TSPAN4: variants seen among roughly 807,000 people sequenced by gnomAD.
TSPAN4 encodes tetraspanin-4.
A neutral mutation model predicts 31.5 loss-of-function variants in TSPAN4; 38 were observed. The ratio of observed to expected loss-of-function variants is 1.21; its 90% CI spans 0.93 to 1.58. The LOEUF is 1.58. Ranked by LOEUF, TSPAN4 falls within the 40% of genes most tolerant of loss-of-function variation. TSPAN4 has a pLI of 0.00. For missense variants in TSPAN4, 330 were observed against 317.3 expected (o/e 1.04, Z -0.30); for synonymous variants, 186 against 144.6 (o/e 1.29, Z -2.06).
At chr11:862,518 C>T in intron 3 of TSPAN4, 32 bp from the exon 4 acceptor site, 2 of 1,569,626 alleles carry the variant, frequency 1.3e-6, no homozygotes, top group Non-Finnish European at 1.7e-6. Context: ...GGGCCTCACC[C>T]TGTCTGTGTC....
intron 3 of TSPAN4, among the ~76,000 whole-genome samples, chr11:854,380 C>G (rs1430720070): frequency 6.6e-6 from 1 of 152,194 alleles, no homozygotes; most frequent in African/African-American, 2.4e-5. Context: ...TTCTGCCCTC[C>G]TTGAGGCCTC....
At chr11:865,890 G>T in intron 7 of TSPAN4, 28 bp from the exon 8 acceptor site, 2 of 1,612,964 alleles carry the variant, frequency 1.2e-6, no homozygotes, top group Non-Finnish European at 1.7e-6. Context: ...AGGCCCTGCC[G>T]TGACACGCAT....
In TSPAN4 at chr11:848,654, C is replaced by G. The variant is rs1270103567; in HGVS notation, c.-18+1354C>G. Among the ~76,000 whole-genome samples the G allele has an allele frequency of 6.6e-6, 1 of 152,210 alleles. No homozygotes were observed. Among genetic ancestry groups the G allele is most frequent in the Non-Finnish European group, 1.5e-5 (1 of 68,024 alleles). ...TGGTCAGCCCTGCCATGGAGCACCC[C>G]CTTCCCCTCCCTTAGCTTCCTCTCC... On this transcript the variant is annotated intron_variant, in intron 2 of 8. Coordinates refer to ENST00000397397, the MANE Select transcript of TSPAN4 (RefSeq NM_003271.5). This position sits in a 1 kb window ranked among gnomAD's most constrained non-coding sequence, Gnocchi z 5.7.
intron 5 of TSPAN4, 100 bp downstream of exon 5, chr11:864,611 T>A (rs972207857): frequency 1.8e-5 from 27 of 1,499,740 alleles, no homozygotes; most frequent in Non-Finnish European, 2.3e-5. Context: ...TGGCCCTGCA[T>A]GTGCCCTCAC....
chr11:860,983 G>C (rs1848423795), intron 3 of TSPAN4, among the ~76,000 whole-genome samples: 1 of 152,122 alleles, frequency 6.6e-6, no homozygotes, highest in Non-Finnish European at 1.5e-5. Flanking sequence ...CATTTTCGGG[G>C]GACTGCTTGT....
At chr11:850,452 G>T in intron 3 of TSPAN4, 85 bp downstream of exon 3, 1 of 1,203,592 alleles carries the variant, frequency 8.3e-7, no homozygotes. Flanking sequence ...AGTCGGAGTC[G>T]CTGCCCCGGC....
intron 3 of TSPAN4, among the ~76,000 whole-genome samples, chr11:853,351 CTT>C (rs1847861556): frequency 6.6e-6 from 1 of 152,178 alleles, no homozygotes. Flanking sequence ...TCCAAGGTCT[CTT>C]TGGGTCCAGG....
intron 3 of TSPAN4, among the ~76,000 whole-genome samples, chr11:860,681 G>A (rs1848405982): frequency 6.6e-6 from 1 of 152,194 alleles, no homozygotes; most frequent in Non-Finnish European, 1.5e-5. Context: ...CTGGCCACTG[G>A]GGCTTGGGAG....
At chr11:859,504 T>C (rs1460612013) in intron 3 of TSPAN4, 3 of 60,386 alleles carry the variant, frequency 5.0e-5, no homozygotes, top group African/African-American at 2.0e-4. Flanking sequence ...CACCCCGGGC[T>C]CACACGCACC....
intron 2 of TSPAN4, chr11:849,919 C>G (rs1590227112): frequency 6.7e-6 from 1 of 149,192 alleles, no homozygotes; most frequent in Non-Finnish European, 1.5e-5. Flanking sequence ...ACCGCGGGGG[C>G]CAGAGCGGGA....
chr11:866,633 C>T lies in TSPAN4; in HGVS notation c.*3C>T, dbSNP rs201170611. 107 of 1,610,710 alleles carry T rather than the reference C, an allele frequency of 6.6e-5. No homozygotes were observed. The highest frequency in any genetic ancestry group is 1.6e-4 in the Middle Eastern group (1 of 6,070). The stretch of plus-strand genomic sequence containing the variant: ...AGGCAGACACCTACTGCGCGTAGGC[C>T]GCCCACCGCCCGCTTCTCTGCCAAA... On this transcript the variant is annotated 3_prime_UTR_variant, in exon 9 of 9. Transcript: ENST00000397397.
chr11:850,512 C>G, intron 3 of TSPAN4, 145 bp downstream of exon 3: 1 of 693,664 alleles, frequency 1.4e-6, no homozygotes, highest in Admixed American at 2.7e-5. Flanking sequence ...CCCAAGACCG[C>G]TGCTCCGGCT....
In TSPAN4 at chr11:866,004, A is replaced by T; in HGVS notation, c.648+3A>T. 1 of 1,611,804 alleles carries T rather than the reference A, an allele frequency of 6.2e-7. No homozygotes were observed. Among genetic ancestry groups the T allele is most frequent in the Non-Finnish European group, 8.5e-7 (1 of 1,179,906 alleles). On this transcript the variant is annotated splice_donor_region_variant and intron_variant, in intron 8 of 8. Transcript: ENST00000397397. ...GGCTGTGCACGGCGCTGGTGCAGGTATGGCCTGGGGGCCTGCGGGCTCCCT... is the reference window on the plus strand; with the variant it reads ...GGCTGTGCACGGCGCTGGTGCAGGTTTGGCCTGGGGGCCTGCGGGCTCCCT...
chr11:865,671 C>T (rs1239589486), intron 6 of TSPAN4, 23 bp from the exon 7 acceptor site: 20 of 1,612,680 alleles, frequency 1.2e-5, no homozygotes, highest in Non-Finnish European at 1.7e-5. Context: ...CCTGCCTCAG[C>T]CCGACCTGAG....
chr11:852,902 C>CCG (rs1247597267), intron 3 of TSPAN4, among the ~76,000 whole-genome samples: 2 of 151,994 alleles, frequency 1.3e-5, no homozygotes, highest in South Asian at 4.1e-4. Context: ...CTGTCCTGAC[C>CCG]CCCCGCTGCC....
At chr11:854,814 C>A (rs1847958893) in intron 3 of TSPAN4, among the ~76,000 whole-genome samples, 1 of 152,230 alleles carries the variant, frequency 6.6e-6, no homozygotes, top group South Asian at 2.1e-4. Context: ...GGCCGGCCTG[C>A]CTGGCGCTGG....
At position 856,198 on chromosome 11, in the gene TSPAN4, T is replaced by C. The variant is rs193158243; in HGVS notation, c.63+5831T>C. On this transcript the variant is annotated intron_variant, in intron 3 of 8. Coordinates refer to ENST00000397397, the MANE Select transcript of TSPAN4 (RefSeq NM_003271.5). ...CGGCCCCCCGAGCCTCTTGGGTGGG[T>C]GCTGAGGGACGGCCCTCCAAGCCTT... Among the ~76,000 whole-genome samples the C allele has an allele frequency of 3.2e-3, 485 of 151,328 alleles. 3 individuals are homozygous for C. The highest frequency in any genetic ancestry group is 0.011 in the African/African-American group (466 of 41,332).
At chr11:849,984 G>C (rs943239131) in intron 2 of TSPAN4, 2 of 166,094 alleles carry the variant, frequency 1.2e-5, no homozygotes, top group African/African-American at 4.8e-5. Context: ...TTCCGGGGCG[G>C]CGGGTGCGGG....
intron 3 of TSPAN4, 122 bp downstream of exon 3, chr11:850,489 G>A (rs1014963826): frequency 4.9e-6 from 4 of 813,046 alleles, no homozygotes; most frequent in Middle Eastern, 3.0e-4. Flanking sequence ...TTGTGGGGAT[G>A]GTCCCGGGAG....
Sources: allele counts gnomAD v4.1 joint callset (sites outside exome capture counted in the v4.1 genomes callset), GRCh38; gene constraint gnomAD v4.1.1; non-coding constraint Gnocchi (gnomAD v3.1); transcripts MANE v1.5; gene names NCBI Gene and HGNC (gene_info 2026-07-23, HGNC 2026-07-21).